The following TOR1AIP1 variants were observed in gnomAD, a reference collection of about 807,000 sequenced individuals.
TOR1AIP1 encodes the protein torsin-1A-interacting protein 1.
A neutral mutation model predicts 63.3 loss-of-function variants in TOR1AIP1; 54 were observed. That is an observed-to-expected ratio of 0.85 (90% confidence interval 0.69 to 1.07). TOR1AIP1 has a LOEUF of 1.07. TOR1AIP1 is among the 50% of genes least tolerant of loss of function. TOR1AIP1 has a pLI of 0.00. For missense variants in TOR1AIP1, 736 were observed against 715.0 expected (o/e 1.03, Z -0.33); for synonymous variants, 294 against 273.5 (o/e 1.07, Z -0.74).
intron 4 of TOR1AIP1, chr1:179,900,423 C>T: frequency 3.7e-6 from 1 of 267,154 alleles, no homozygotes; most frequent in Non-Finnish European, 7.3e-6. Context: ...GAGCGGGGGA[C>T]CACCATGTTG....
chr1:179,913,150 G>T (rs1395473375), intron 8 of TOR1AIP1, among the ~76,000 whole-genome samples: 1 of 148,262 alleles, frequency 6.7e-6, no homozygotes, highest in Non-Finnish European at 1.5e-5. Flanking sequence ...TTTTTTTAGA[G>T]ATGGGGTCTC....
intron 6 of TOR1AIP1, among the ~76,000 whole-genome samples, chr1:179,904,486 A>T (rs1224389042): frequency 6.6e-6 from 1 of 152,248 alleles, no homozygotes; most frequent in Non-Finnish European, 1.5e-5. Flanking sequence ...GTATATAAAT[A>T]TTCATTTCAG....
chr1:179,903,316 G>T (rs1648524266), intron 5 of TOR1AIP1, among the ~76,000 whole-genome samples: 1 of 151,962 alleles, frequency 6.6e-6, no homozygotes, highest in Non-Finnish European at 1.5e-5. Flanking sequence ...TTGCCCACTT[G>T]CAATAAAAAT....
At chr1:179,909,728 G>A (rs1024009943) in intron 8 of TOR1AIP1, among the ~76,000 whole-genome samples, 9 of 151,934 alleles carry the variant, frequency 5.9e-5, no homozygotes, top group East Asian at 1.9e-4. Context: ...GAGCCACTGC[G>A]CCCAGCCTTT....
In TOR1AIP1 at chr1:179,884,707, C is replaced by G; in HGVS notation, c.491C>G (p.Ser164Cys). The G allele has an allele frequency of 6.2e-7, 1 of 1,610,810 alleles. No homozygotes were observed. Among genetic ancestry groups the G allele is most frequent in the Non-Finnish European group, 8.5e-7 (1 of 1,178,770 alleles). ...TGTTTTTTAGAGGATGAAGCATCTT[C>G]CCAAACTGATTTAAGCCAAACGATC... ...SHSSEEDEASSQTDLSQTISK... is the reference protein window; with the variant it reads ...SHSSEEDEASCQTDLSQTISK... The change falls in exon 2 of 10, where the codon TCC (serine) becomes TGC (cysteine). Residue 164 changes from serine to cysteine, a missense_variant. Ser to Cys is a moderately radical substitution (Grantham distance 112). This residue lies in a region of TOR1AIP1 where 464 missense variants were observed against 371.0 expected (regional missense o/e 1.25). Coordinates refer to ENST00000606911, the MANE Select transcript of TOR1AIP1 (RefSeq NM_015602.4).
At chr1:179,907,068 A>G (rs1001601498) in intron 6 of TOR1AIP1, among the ~76,000 whole-genome samples, 2 of 151,792 alleles carry the variant, frequency 1.3e-5, no homozygotes, top group African/African-American at 2.4e-5. Flanking sequence ...TACGAACAGT[A>G]ATAGCATCTA....
At chr1:179,914,661 G>T (rs1648936640) in intron 9 of TOR1AIP1, among the ~76,000 whole-genome samples, 1 of 152,124 alleles carries the variant, frequency 6.6e-6, no homozygotes, top group Non-Finnish European at 1.5e-5. Flanking sequence ...GGGCGTGGTG[G>T]CACACGCCTG....
At chr1:179,913,895 CT>C in intron 8 of TOR1AIP1, 102 bp from the exon 9 acceptor site, 9 of 1,126,620 alleles carry the variant, frequency 8.0e-6, no homozygotes, top group Admixed American at 2.5e-5. Flanking sequence ...TCTCTGTCTT[CT>C]TTTTTTCCTG....
rs181711918 is a variant in TOR1AIP1 at position 179,908,098 on chromosome 1, C to T, written c.838+234C>T. Among the ~76,000 whole-genome samples, 637 of 151,818 alleles carry T rather than the reference C, an allele frequency of 4.2e-3. 3 individuals are homozygous for T. The highest frequency in any genetic ancestry group is 0.02 in the Middle Eastern group (6 of 294). On this transcript the variant is annotated intron_variant, in intron 7 of 9. Transcript: ENST00000606911. The stretch of plus-strand genomic sequence containing the variant: ...TAATTTTTTGTATTTTTAGTAGAGA[C>T]GGTGTTTCACTGTGTTAGCCAGGAT...
chr1:179,916,135 C>T (rs1374658488), intron 9 of TOR1AIP1, among the ~76,000 whole-genome samples: 1 of 152,082 alleles, frequency 6.6e-6, no homozygotes, highest in Admixed American at 6.6e-5. Flanking sequence ...AAGAATGTCC[C>T]TTTGTTAAAT....
intron 3 of TOR1AIP1, among the ~76,000 whole-genome samples, chr1:179,896,299 A>G (rs1648263777): frequency 6.6e-6 from 1 of 151,820 alleles, no homozygotes; most frequent in African/African-American, 2.4e-5. Context: ...TTTTTTTGAG[A>G]CAGGGTCTCA....
chr1:179,885,622 T>C (rs957889230), intron 2 of TOR1AIP1, among the ~76,000 whole-genome samples: 1 of 152,218 alleles, frequency 6.6e-6, no homozygotes, highest in Non-Finnish European at 1.5e-5. Flanking sequence ...GATCCTGACT[T>C]ATTTACCTGT....
Position 179,884,823 on chromosome 1 carries a change from T to C in TOR1AIP1, c.553+54T>C, listed in dbSNP as rs1329265668. The C allele has an allele frequency of 2.9e-6, 4 of 1,367,824 alleles. No homozygotes were observed. In the African/African-American group the frequency reaches 5.8e-5, roughly 20 times the overall value. 84.7% of individuals were successfully genotyped at this position (1,367,824 alleles called of 1,614,324 possible). ...CCTTACCTACCAACTTTTTAAATGTTCATTGAATTAAACAATGTAAGTATG... is the reference window on the plus strand; with the variant it reads ...CCTTACCTACCAACTTTTTAAATGTCCATTGAATTAAACAATGTAAGTATG... On this transcript the variant is annotated intron_variant, in intron 2 of 9. Coordinates refer to ENST00000606911, the MANE Select transcript of TOR1AIP1 (RefSeq NM_015602.4).
chr1:179,901,459 A>T, intron 5 of TOR1AIP1, 71 bp downstream of exon 5: 3 of 972,132 alleles, frequency 3.1e-6, no homozygotes, highest in Non-Finnish European at 4.3e-6. Flanking sequence ...TTTGCTTTTT[A>T]AAAAAAACTT....
intron 3 of TOR1AIP1, among the ~76,000 whole-genome samples, chr1:179,897,584 A>G (rs554120758): frequency 5.3e-5 from 8 of 152,236 alleles, no homozygotes; most frequent in South Asian, 2.1e-4. Flanking sequence ...TAAATCTCCA[A>G]CATATCCTTT....
At position 179,901,325 on chromosome 1, in the gene TOR1AIP1, G is replaced by C. The variant is rs2148477008; in HGVS notation, c.676G>C (p.Asp226His). ...EEGETEEDDQ[D>H]SSHSSVTTVK... ...AGGAGAAACTGAAGAAGATGATCAA[G>C]ACAGCTCTCACAGCAGTGTCACTAC... Residue 226 changes from aspartate (D) to histidine (H), a missense_variant, in exon 5 of 10, where the codon GAC becomes CAC. Asp to His is a moderately conservative substitution (Grantham distance 81). This residue lies in a region of TOR1AIP1 where 464 missense variants were observed against 371.0 expected (regional missense o/e 1.25). Coordinates refer to ENST00000606911, the MANE Select transcript of TOR1AIP1 (RefSeq NM_015602.4). The C allele has an allele frequency of 6.2e-7, 1 of 1,611,166 alleles. No homozygotes were observed. Among genetic ancestry groups the C allele is most frequent in the Admixed American group, 1.7e-5 (1 of 59,826 alleles).
Position 179,882,773 on chromosome 1 carries a change from C to T in TOR1AIP1, c.271C>T (p.Arg91Trp), listed in dbSNP as rs759583089. 10 of 1,614,188 alleles carry T rather than the reference C, an allele frequency of 6.2e-6. No individual in the cohort carries two copies. The highest frequency in any genetic ancestry group is 7.6e-6 in the Non-Finnish European group (9 of 1,180,026). The change falls in exon 1 of 10, where the codon CGG (arginine) becomes TGG (tryptophan). Residue 91 changes from arginine to tryptophan, a missense_variant. Arg to Trp is a moderately radical substitution (Grantham distance 101). This residue lies in a region of TOR1AIP1 where 464 missense variants were observed against 371.0 expected (regional missense o/e 1.25). Transcript: ENST00000606911. The part of the protein sequence containing the change: ...VGKRTRLEEF[R>W]SDSAKEEVRE... ...AAAACGAACCCGGCTAGAAGAGTTC[C>T]GGTCCGATTCTGCGAAAGAGGAAGT... is the stretch of plus-strand genomic sequence containing the variant.
intron 6 of TOR1AIP1, among the ~76,000 whole-genome samples, chr1:179,905,334 T>C (rs943174039): frequency 1.1e-4 from 17 of 152,152 alleles, no homozygotes; most frequent in East Asian, 3.9e-4. Flanking sequence ...TGAGCCGAGA[T>C]TGTGTCACTG....
chr1:179,914,921 C>A (rs1352757666), intron 9 of TOR1AIP1, among the ~76,000 whole-genome samples: 1 of 151,962 alleles, frequency 6.6e-6, no homozygotes. Flanking sequence ...TTATGTCTAT[C>A]CATATGTACC....
Sources: allele counts gnomAD v4.1 joint callset (sites outside exome capture counted in the v4.1 genomes callset), GRCh38; gene constraint gnomAD v4.1.1; regional missense constraint gnomAD v4.1.1; transcripts MANE v1.5; gene names NCBI Gene and HGNC (gene_info 2026-07-23, HGNC 2026-07-21).